The following ADCY2 variants were observed in gnomAD, a reference collection of about 807,000 sequenced individuals.
ADCY2 encodes adenylate cyclase 2, also known as adenylate cyclase type 2.
In ADCY2, 31 loss-of-function variants were observed where a neutral mutation model predicts 125.2. The observed-to-expected ratio is 0.25, with a 90% CI of 0.19 to 0.33. The LOEUF is 0.33. Ranked by LOEUF, ADCY2 falls within the 10% of genes least tolerant of loss-of-function variation. The pLI is 1.00. For synonymous variants in ADCY2, 512 were observed against 548.4 expected, an observed-to-expected ratio of 0.93 and a Z score of 0.93; for missense variants, 904 against 1,418.2, an observed-to-expected ratio of 0.64 and a Z score of 5.82.
chr5:7,552,621 C>T (rs189483701), intron 3 of ADCY2, among the ~76,000 whole-genome samples: 9 of 152,152 alleles, frequency 5.9e-5, no homozygotes, highest in Middle Eastern at 3.4e-3. Context: ...TCTTCTGATC[C>T]CCAAAAATCA....
chr5:7,522,371 C>A (rs891646044), intron 3 of ADCY2: 2 of 152,148 alleles, frequency 1.3e-5, no homozygotes, highest in Non-Finnish European at 2.9e-5. Context: ...GGAAACCACC[C>A]TTCTACTCAA....
At chr5:7,648,464 T>G (rs1222382501) in intron 4 of ADCY2, among the ~76,000 whole-genome samples, 1 of 152,210 alleles carries the variant, frequency 6.6e-6, no homozygotes, top group East Asian at 1.9e-4. Flanking sequence ...ACCATTAATA[T>G]TATCAGTTGC....
chr5:7,794,390 A>G (rs16879116), intron 20 of ADCY2: 53,755 of 151,930 alleles, frequency 0.35, 9,704 homozygotes, highest in Admixed American at 0.47. Context: ...CCGTCTCCTC[A>G]AGGACCCTGT....
At chr5:7,682,353 A>G (rs1475868111) in intron 4 of ADCY2, among the ~76,000 whole-genome samples, 1 of 152,220 alleles carries the variant, frequency 6.6e-6, no homozygotes, top group Non-Finnish European at 1.5e-5. Flanking sequence ...ACATGAGTTT[A>G]TAGACCCCCT....
rs1360794651 is a variant in ADCY2 at position 7,717,142 on chromosome 5, C to T, written c.1623-15C>T. On this transcript the variant is annotated splice_polypyrimidine_tract_variant and intron_variant, in intron 11 of 24. Coordinates refer to ENST00000338316, the MANE Select transcript of ADCY2 (RefSeq NM_020546.3). ...TAATAATATCCTTACCCATAATATTCCATTTTTCATATAGAACCAAGTCAC... is the reference window on the plus strand; with the variant it reads ...TAATAATATCCTTACCCATAATATTTCATTTTTCATATAGAACCAAGTCAC... 6.4e-7 allele frequency: 1 copy of T among 1,560,544 alleles called. No individual in the cohort carries two copies. The highest frequency in any genetic ancestry group is 1.4e-5 in the African/African-American group (1 of 73,488).
chr5:7,502,799 G>A (rs1743643443), intron 2 of ADCY2, among the ~76,000 whole-genome samples: 2 of 152,178 alleles, frequency 1.3e-5, no homozygotes, highest in Admixed American at 1.3e-4. Context: ...CTTGACACTA[G>A]TAAAATCACC....
chr5:7,829,292 C>G lies in ADCY2; in HGVS notation c.*2421C>G, dbSNP rs1330617514. ...CCCTGATCAAGCTTCAGACCTCCCT[C>G]CCTCCCCAGTGTTTTTGCAGGTGAG... On this transcript the variant is annotated 3_prime_UTR_variant, in exon 25 of 25. Transcript: ENST00000338316. The G allele has an allele frequency of 6.5e-6, 1 of 152,696 alleles. No homozygotes were observed. The highest frequency in any genetic ancestry group is 6.5e-5 in the Admixed American group (1 of 15,278). The allele number at this position is 152,696 out of a possible 1,614,324, so 9.5% of individuals were successfully genotyped here.
rs184558917 is a variant in ADCY2 at position 7,573,769 on chromosome 5, A to G, written c.571-52398A>G. ...TGTTTTTGTTTTTGTTTTTGTTTTT[A>G]TTTATTATACTTTAAGTTTTAGGGT... On this transcript the variant is annotated intron_variant, in intron 3 of 24. Transcript: ENST00000338316. Among the ~76,000 whole-genome samples, 1,418 of 150,228 alleles carry G rather than the reference A, an allele frequency of 9.4e-3. 5 individuals carry two copies. The highest frequency in any genetic ancestry group is 0.015 in the South Asian group (73 of 4,716).
At chr5:7,483,022 G>A (rs972546565) in intron 2 of ADCY2, among the ~76,000 whole-genome samples, 2 of 151,750 alleles carry the variant, frequency 1.3e-5, no homozygotes, top group African/African-American at 4.8e-5. Flanking sequence ...AAGGGTGTGA[G>A]GGAAGAGGGA....
At position 7,826,951 on chromosome 5, in the gene ADCY2, GT is replaced by G; in HGVS notation, c.*85del. ...TTTCTGACTGCAACTTCTGTCCCTT[GT>G]TTTTGATGTGCGTGCTGTCTGTCCT... On this transcript the variant is annotated 3_prime_UTR_variant, in exon 25 of 25. Transcript: ENST00000338316. The G allele has an allele frequency of 6.6e-7, 1 of 1,506,978 alleles. No homozygotes were observed. 93.4% of individuals were successfully genotyped at this position (1,506,978 alleles called of 1,614,324 possible). A position where few individuals can be genotyped will look rare whatever the true frequency, so the allele number is the denominator to read the frequency against.
chr5:7,681,121 A>G (rs1579310138), intron 4 of ADCY2, among the ~76,000 whole-genome samples: 2 of 146,706 alleles, frequency 1.4e-5, no homozygotes, highest in South Asian at 4.3e-4. Context: ...TTCTGATGTG[A>G]TGACTTCCCT....
intron 14 of ADCY2, among the ~76,000 whole-genome samples, chr5:7,734,925 T>G (rs181402185): frequency 8.1e-4 from 124 of 152,270 alleles, no homozygotes; most frequent in Non-Finnish European, 1.5e-3. Context: ...TCTCCTTGTA[T>G]CCTCACATGG....
chr5:7,548,564 C>G (rs923399911), intron 3 of ADCY2, among the ~76,000 whole-genome samples: 1 of 152,196 alleles, frequency 6.6e-6, no homozygotes, highest in Non-Finnish European at 1.5e-5. Flanking sequence ...TGAACAACTT[C>G]TATTTCAGTT....
At chr5:7,804,796 T>A in intron 22 of ADCY2, 104 bp downstream of exon 22, 1 of 809,318 alleles carries the variant, frequency 1.2e-6, no homozygotes, top group East Asian at 2.6e-5. Flanking sequence ...CTGTATATTT[T>A]GTACAACCTA....
At chr5:7,521,234 G>A (rs1418947950) in intron 3 of ADCY2, among the ~76,000 whole-genome samples, 1 of 152,144 alleles carries the variant, frequency 6.6e-6, no homozygotes, top group Non-Finnish European at 1.5e-5. Flanking sequence ...TTTTTATAGT[G>A]AAGTAACTTA....
intron 2 of ADCY2, among the ~76,000 whole-genome samples, chr5:7,484,062 C>T (rs1274723258): frequency 2.0e-5 from 3 of 152,262 alleles, no homozygotes; most frequent in East Asian, 3.9e-4. Context: ...TTAAATGATG[C>T]TCTTGTAAGA....
intron 4 of ADCY2, among the ~76,000 whole-genome samples, chr5:7,673,691 C>T (rs768457494): frequency 6.6e-6 from 1 of 152,082 alleles, no homozygotes; most frequent in Non-Finnish European, 1.5e-5. Context: ...CTGGTTGCAA[C>T]CACTGGTTTA....
chr5:7,762,873 T>TG (rs1743267857), intron 16 of ADCY2, among the ~76,000 whole-genome samples: 1 of 151,722 alleles, frequency 6.6e-6, no homozygotes, highest in Admixed American at 6.6e-5. Context: ...GTTGGTGGAG[T>TG]GGGGGGCTGT....
intron 4 of ADCY2, among the ~76,000 whole-genome samples, chr5:7,678,456 C>T (rs1446030677): frequency 1.3e-5 from 2 of 152,194 alleles, no homozygotes; most frequent in Non-Finnish European, 2.9e-5. Context: ...TCCTTCTCTG[C>T]AGTTCCCCTG....
Sources: allele counts gnomAD v4.1 joint callset (sites outside exome capture counted in the v4.1 genomes callset), GRCh38; gene constraint gnomAD v4.1.1; transcripts MANE v1.5; gene names NCBI Gene and HGNC (gene_info 2026-07-23, HGNC 2026-07-21).